DEAF1: variants seen among roughly 807,000 people sequenced by gnomAD.
DEAF1 encodes DEAF1 transcription factor.
Under a neutral mutation model 58.9 loss-of-function variants are expected in DEAF1, and 53 were observed. That is an observed-to-expected ratio of 0.90 (90% CI 0.72 to 1.13). The LOEUF (loss-of-function observed/expected upper bound fraction) is 1.13, where lower values mean the gene tolerates loss of function less well. Among genes scored for constraint, DEAF1 ranks in the 50% most tolerant of loss-of-function variants. The pLI is 0.00. For missense variants in DEAF1, 685 were observed against 791.4 expected (o/e 0.87, Z 1.61); for synonymous variants, 385 against 340.4 (o/e 1.13, Z -1.44).
At chr11:695,572 G>GGCCGA, upstream of DEAF1, 2 of 1,232,988 alleles carry the variant, frequency 1.6e-6, no homozygotes, top group African/African-American at 3.1e-5. Flanking sequence ...GTCAGCCCGA[G>GGCCGA]GCCGAGCCGA....
In DEAF1 at chr11:644,482, G is replaced by A; in HGVS notation, c.*68C>T. 8.1e-7 allele frequency: 1 copy of A among 1,231,290 alleles called. No homozygotes were observed. The highest frequency in any genetic ancestry group is 2.3e-4 in the Middle Eastern group (1 of 4,290). 76.3% of individuals were successfully genotyped at this position (1,231,290 alleles called of 1,614,324 possible). ...AACGTCCCCCCAGAGTCCTCAGGGG[G>A]GCCTTCGACCTGCAAAAGCCTCACA... On this transcript the variant is annotated 3_prime_UTR_variant, in exon 12 of 12. Coordinates refer to ENST00000382409, the MANE Select transcript of DEAF1 (RefSeq NM_021008.4). This position sits in a 1 kb window ranked among gnomAD's most constrained non-coding sequence, Gnocchi z 4.3.
intron 4 of DEAF1, among the ~76,000 whole-genome samples, chr11:687,642 C>T (rs769348949): frequency 7.9e-5 from 12 of 152,160 alleles, no homozygotes; most frequent in African/African-American, 2.7e-4. Context: ...GGACTACAGG[C>T]GCCTGCCACC....
intron 1 of DEAF1, chr11:703,452 A>C (rs1861591717): frequency 3.1e-6 from 4 of 1,275,772 alleles, no homozygotes; most frequent in Non-Finnish European, 3.9e-6. Flanking sequence ...TTTAGCAGCC[A>C]GGCCTCCACA....
intron 11 of DEAF1, chr11:646,534 G>A (rs1020919488): frequency 8.5e-5 from 13 of 152,232 alleles, no homozygotes; most frequent in African/African-American, 2.9e-4. Flanking sequence ...CTGGTCTACA[G>A]GTTTGAGCCA....
chr11:697,602 A>G (rs1208211552), upstream of DEAF1: 2 of 152,240 alleles, frequency 1.3e-5, no homozygotes, highest in Non-Finnish European at 2.9e-5. Context: ...TAGCAGACAC[A>G]TTGGAAGTGT....
intron 8 of DEAF1, 77 bp from the exon 9 acceptor site, chr11:678,899 T>TGC: frequency 6.3e-7 from 1 of 1,586,332 alleles, no homozygotes; most frequent in African/African-American, 1.3e-5. Context: ...GCTGTATGGC[T>TGC]GCGCCATTCA....
chr11:697,532 A>G (rs192385676), upstream of DEAF1: 5 of 152,376 alleles, frequency 3.3e-5, no homozygotes, highest in Admixed American at 2.0e-4. Flanking sequence ...TACATCACTT[A>G]AGGCTTTTAT....
chr11:675,801 C>T (rs977796780), intron 9 of DEAF1, among the ~76,000 whole-genome samples: 1 of 152,014 alleles, frequency 6.6e-6, no homozygotes, highest in Non-Finnish European at 1.5e-5. Context: ...GCCTGGGTGA[C>T]AGAGTGAGAC....
In DEAF1 at chr11:686,848, C is replaced by T. The variant is rs1213170342; in HGVS notation, c.804+10G>A. On this transcript the variant is annotated intron_variant, in intron 5 of 11. Coordinates refer to ENST00000382409, the MANE Select transcript of DEAF1 (RefSeq NM_021008.4). Reference sequence around the variant, plus strand: ...TGTGTGCTGAGCACAGGTGAGGTCACGGACGATACCTGGATGAGGCACTGC... The same window carrying T: ...TGTGTGCTGAGCACAGGTGAGGTCATGGACGATACCTGGATGAGGCACTGC... 7 of 1,613,942 alleles carry T rather than the reference C, an allele frequency of 4.3e-6. No homozygotes were observed. In the Admixed American group the frequency reaches 5.0e-5, roughly 12 times the overall value.
At chr11:694,639 G>C in intron 1 of DEAF1, 120 bp downstream of exon 1, 2 of 987,254 alleles carry the variant, frequency 2.0e-6, no homozygotes, top group Non-Finnish European at 2.7e-6. Flanking sequence ...GGCTGGTCAC[G>C]TGGAGCAGGT....
At chr11:690,116 G>A (rs1013942265) in intron 2 of DEAF1, among the ~76,000 whole-genome samples, 3 of 148,568 alleles carry the variant, frequency 2.0e-5, no homozygotes, top group African/African-American at 7.5e-5. Context: ...CCTGAGGTCA[G>A]GAGTTTGAGA....
Position 688,361 on chromosome 11 carries a change from G to GC in DEAF1, c.486dup (p.Leu163AlafsTer29). 1 of 1,613,810 alleles carries GC rather than the reference G, an allele frequency of 6.2e-7. No individual in the cohort carries two copies. The highest frequency in any genetic ancestry group is 8.5e-7 in the Non-Finnish European group (1 of 1,180,038). On this transcript the variant is annotated frameshift_variant, in exon 3 of 12. Transcript: ENST00000382409. LOFTEE classifies it high-confidence loss of function. This position sits in a 1 kb window ranked among gnomAD's most constrained non-coding sequence, Gnocchi z 4.3. ...GTGAGGGGAGCTGCCGGGCCTTTCA[G>GC]CCCGGTGGTCTCCACGATGCTCCCA...
chr11:703,573 G>C, intron 1 of DEAF1: 19 of 1,233,452 alleles, frequency 1.5e-5, no homozygotes, highest in Non-Finnish European at 1.9e-5. Context: ...CCTAATTTGT[G>C]TTCTGAGATC....
intron 10 of DEAF1, among the ~76,000 whole-genome samples, chr11:666,873 CAAAAAAAAAAAAA>C (rs532628897): frequency 3.3e-5 from 2 of 60,252 alleles, no homozygotes; most frequent in African/African-American, 1.3e-4. Flanking sequence ...ACTCTGTCTC[CAAAAAAAAAAAAA>C]AAAAAAAAAA....
intron 1 of DEAF1, chr11:692,196 GC>G: frequency 5.7e-6 from 1 of 174,086 alleles, no homozygotes; most frequent in Non-Finnish European, 1.3e-5. Flanking sequence ...ATGGAACTCA[GC>G]CCCCTGGCAT....
chr11:703,104 T>C (rs1174127076), intron 1 of DEAF1: 1 of 1,610,994 alleles, frequency 6.2e-7, no homozygotes, highest in East Asian at 2.2e-5. Flanking sequence ...CTTCACGGCC[T>C]GGAGGCCGTC....
chr11:647,303 AAT>A (rs1057480907), intron 11 of DEAF1, among the ~76,000 whole-genome samples: 1 of 152,006 alleles, frequency 6.6e-6, no homozygotes, highest in Admixed American at 6.6e-5. Context: ...AAAATACAAA[AAT>A]TAGCCGGACG....
chr11:685,682 G>C (rs1007783096), intron 5 of DEAF1, among the ~76,000 whole-genome samples: 1 of 151,888 alleles, frequency 6.6e-6, no homozygotes, highest in African/African-American at 2.4e-5. Context: ...GCAACAGAGG[G>C]AGGCCTTTGC....
chr11:676,755 C>A (rs547222749), intron 9 of DEAF1, among the ~76,000 whole-genome samples: 1 of 152,152 alleles, frequency 6.6e-6, no homozygotes, highest in African/African-American at 2.4e-5. Context: ...CCACCCGCCT[C>A]GGCCTCCCAA....
Sources: allele counts gnomAD v4.1 joint callset (sites outside exome capture counted in the v4.1 genomes callset), GRCh38; gene constraint gnomAD v4.1.1; non-coding constraint Gnocchi (gnomAD v3.1); transcripts MANE v1.5; gene names NCBI Gene and HGNC (gene_info 2026-07-23, HGNC 2026-07-21).